MAST3: variants seen among roughly 807,000 people sequenced by gnomAD.
MAST3 encodes the protein microtubule associated serine/threonine kinase 3, also known as microtubule-associated serine/threonine-protein kinase 3.
In MAST3, 43 loss-of-function variants were observed where a neutral mutation model predicts 127.0. That is an observed-to-expected ratio of 0.34 (90% CI 0.27 to 0.44). The LOEUF is 0.44. MAST3 is among the 20% of genes least tolerant of loss of function. The pLI, the probability that MAST3 is intolerant of heterozygous loss-of-function variation, is 1.00. For missense variants in MAST3, 1,390 were observed against 1,919.1 expected, an observed-to-expected ratio of 0.72 and a Z score of 5.15; for synonymous variants, 785 against 809.2, an observed-to-expected ratio of 0.97 and a Z score of 0.51.
At chr19:18,131,782 A>T in intron 14 of MAST3, 127 bp from the exon 15 acceptor site, 1 of 1,020,998 alleles carries the variant, frequency 9.8e-7, no homozygotes, top group Non-Finnish European at 1.5e-6. Flanking sequence ...CCGCTGAGAT[A>T]GAACAAACTG....
intron 3 of MAST3, among the ~76,000 whole-genome samples, chr19:18,115,803 C>G (rs1177287725): frequency 6.6e-6 from 1 of 152,248 alleles, no homozygotes; most frequent in Non-Finnish European, 1.5e-5. Flanking sequence ...TACCCTTTCT[C>G]TGCTCAAGCA....
chr19:18,129,209 C>G (rs1044030514), intron 13 of MAST3: 2 of 520,146 alleles, frequency 3.8e-6, no homozygotes, highest in Non-Finnish European at 6.9e-6. Context: ...GGGGGCTGAT[C>G]AAGGAAATAG....
At chr19:18,129,518 C>T (rs1408550214) in intron 13 of MAST3, among the ~76,000 whole-genome samples, 2 of 152,170 alleles carry the variant, frequency 1.3e-5, no homozygotes, top group Non-Finnish European at 2.9e-5. Flanking sequence ...TCATCTTATC[C>T]ATGGCTCAGA....
intron 17 of MAST3, among the ~76,000 whole-genome samples, 153 bp from the exon 18 acceptor site, chr19:18,135,587 C>T (rs1328315517): frequency 1.3e-5 from 2 of 152,170 alleles, no homozygotes; most frequent in Non-Finnish European, 2.9e-5. Flanking sequence ...GTGGCAAAGG[C>T]TGTCAGTGGG....
At chr19:18,125,082 G>T (rs2040451361) in intron 11 of MAST3, among the ~76,000 whole-genome samples, 1 of 152,106 alleles carries the variant, frequency 6.6e-6, no homozygotes, top group African/African-American at 2.4e-5. Flanking sequence ...ACTCCAACCT[G>T]GGCGACAGAG....
chr19:18,139,120 G>A lies in MAST3; in HGVS notation c.2201G>A (p.Ser734Asn), dbSNP rs1251431474. ...TTCTCCTCCTGCTCCCACCGGTTCAGCAAGGTGGGCCCGGGTCCCGAGGGG... is the reference window on the plus strand; with the variant it reads ...TTCTCCTCCTGCTCCCACCGGTTCAACAAGGTGGGCCCGGGTCCCGAGGGG... The part of the protein sequence containing the change: ...PQFSSCSHRF[S>N]KVYSSSEFLA... The change falls in exon 20 of 28, where the codon AGC becomes AAC. Residue 734 changes from serine to asparagine, a missense_variant. By Grantham distance (46) the Ser-to-Asn change is conservative. Coordinates refer to ENST00000687212, the MANE Select transcript of MAST3 (RefSeq NM_001393504.1). The A allele has an allele frequency of 6.3e-7, 1 of 1,596,706 alleles. No homozygotes were observed. The highest frequency in any genetic ancestry group is 8.5e-7 in the Non-Finnish European group (1 of 1,171,130).
At chr19:18,101,768 C>T (rs2037644471) in intron 1 of MAST3, among the ~76,000 whole-genome samples, 1 of 152,028 alleles carries the variant, frequency 6.6e-6, no homozygotes, top group African/African-American at 2.4e-5. Context: ...CTCACAGCCT[C>T]AGCCTCCTGA....
rs570205335 is a variant in MAST3, at chr19:18,110,614, G to A, written c.72-38G>A. ...CCGGATTCGGCCACACGAAGGGGCG[G>A]CCGCCAGGTTCACCGTCCCCGGCCT... On this transcript the variant is annotated intron_variant, in intron 2 of 27. Coordinates refer to ENST00000687212, the MANE Select transcript of MAST3 (RefSeq NM_001393504.1). The surrounding 1 kb of genome is among the most constrained non-coding windows in gnomAD (Gnocchi z 4.3). 6 of 961,732 alleles carry A rather than the reference G, an allele frequency of 6.2e-6. No homozygotes were observed. In the South Asian group the frequency reaches 1.9e-4, roughly 31 times the overall value. 59.6% of individuals were successfully genotyped at this position (961,732 alleles called of 1,614,324 possible). A position where few individuals can be genotyped will look rare whatever the true frequency, so the allele number is the denominator to read the frequency against.
At chr19:18,121,056 A>G (rs905143840) in intron 3 of MAST3, among the ~76,000 whole-genome samples, 1 of 151,406 alleles carries the variant, frequency 6.6e-6, no homozygotes, top group Admixed American at 6.6e-5. Flanking sequence ...GGGTTTCACC[A>G]TGTTTACCAG....
At position 18,150,136 on chromosome 19, in the gene MAST3, A is replaced by G. The variant is rs2043433341; in HGVS notation, c.*410A>G. On this transcript the variant is annotated 3_prime_UTR_variant, in exon 28 of 28. Coordinates refer to ENST00000687212, the MANE Select transcript of MAST3 (RefSeq NM_001393504.1). ...CAAGTGGCTGGGATTACAGGCGCCC[A>G]CCACTATGCCCAGCTAATTTTTTGT... 1 of 201,064 alleles carries G rather than the reference A, an allele frequency of 5.0e-6. No individual in the cohort carries two copies. The highest frequency in any genetic ancestry group is 1.0e-5 in the Non-Finnish European group (1 of 99,496). 12.5% of individuals were successfully genotyped at this position (201,064 alleles called of 1,614,324 possible).
intron 20 of MAST3, among the ~76,000 whole-genome samples, chr19:18,141,083 C>T (rs549135208): frequency 2.8e-4 from 42 of 152,226 alleles, no homozygotes; most frequent in African/African-American, 9.4e-4. Flanking sequence ...CATGAACCAC[C>T]GCACCTGGCC....
intron 1 of MAST3, among the ~76,000 whole-genome samples, chr19:18,101,546 T>A (rs969316819): frequency 1.3e-5 from 2 of 152,156 alleles, no homozygotes; most frequent in African/African-American, 4.8e-5. Context: ...GTGTTTTCCA[T>A]GTGCCTGCAG....
chr19:18,118,332 T>C (rs1482606723), intron 3 of MAST3: 2 of 839,864 alleles, frequency 2.4e-6, no homozygotes, highest in African/African-American at 3.7e-5. Flanking sequence ...CCTGGCCGCG[T>C]GGCGCGGACC....
At chr19:18,114,764 T>A (rs1475915092) in intron 3 of MAST3, among the ~76,000 whole-genome samples, 14 of 152,102 alleles carry the variant, frequency 9.2e-5, no homozygotes. Context: ...ATAGGCAAAG[T>A]GGCTGTTCCA....
Position 18,110,267 on chromosome 19 carries a change from G to C in MAST3, c.72-385G>C. 1.0e-6 allele frequency: 1 copy of C among 985,608 alleles called. No individual in the cohort carries two copies. 61.1% of individuals were successfully genotyped at this position (985,608 alleles called of 1,614,324 possible). A position where few individuals can be genotyped will look rare whatever the true frequency, so the allele number is the denominator to read the frequency against. The stretch of plus-strand genomic sequence containing the variant: ...CGCGCCACGATCAGGGCTTCCGGGG[G>C]CCAACAAGGGGGCGTCGGTACCCCG... On this transcript the variant is annotated intron_variant, in intron 2 of 27. Coordinates refer to ENST00000687212, the MANE Select transcript of MAST3 (RefSeq NM_001393504.1). This position sits in a 1 kb window ranked among gnomAD's most constrained non-coding sequence, Gnocchi z 4.3.
chr19:18,138,846 T>C (rs2042149654), intron 19 of MAST3, among the ~76,000 whole-genome samples, 169 bp from the exon 20 acceptor site: 1 of 152,182 alleles, frequency 6.6e-6, no homozygotes, highest in South Asian at 2.1e-4. Flanking sequence ...AGATATCTGC[T>C]CTGCCGCCCA....
chr19:18,114,576 GA>G (rs1169996682), intron 3 of MAST3, among the ~76,000 whole-genome samples: 1 of 152,198 alleles, frequency 6.6e-6, no homozygotes, highest in African/African-American at 2.4e-5. Flanking sequence ...TCCGAGACCA[GA>G]CCTTGTCTGT....
intron 8 of MAST3, 76 bp from the exon 9 acceptor site, chr19:18,123,863 G>A: frequency 7.4e-7 from 1 of 1,350,698 alleles, no homozygotes; most frequent in Non-Finnish European, 1.0e-6. Context: ...CCCCAACCAT[G>A]CCTCTCCTGC....
chr19:18,124,612 C>G (rs772573289), intron 10 of MAST3, 30 bp from the exon 11 acceptor site: 2 of 1,538,012 alleles, frequency 1.3e-6, no homozygotes, highest in Admixed American at 2.2e-5. Context: ...GGAACCAAGC[C>G]CTGGGTGACC....
Sources: gnomAD v4.1 joint callset for allele counts (sites outside exome capture counted in the v4.1 genomes callset) on GRCh38, gnomAD v4.1.1 for gene constraint, Gnocchi (gnomAD v3.1) non-coding constraint, MANE v1.5 for transcripts, NCBI Gene and HGNC (gene_info 2026-07-23, HGNC 2026-07-21) for gene names.